Variants in NAV3 observed in about 807,000 individuals in gnomAD.
NAV3 encodes the protein neuron navigator 3.
A neutral mutation model predicts 244.7 loss-of-function variants in NAV3; 87 were observed. The observed-to-expected ratio is 0.36, with a 90% CI of 0.30 to 0.42. NAV3 has a LOEUF of 0.42. Among genes scored for constraint, NAV3 ranks in the 20% least tolerant of loss-of-function variants. The pLI is 1.00. For synonymous variants in NAV3, 1,126 were observed against 1,042.2 expected, an observed-to-expected ratio of 1.08 and a Z score of -1.55; for missense variants, 2,663 against 2,893.3, an observed-to-expected ratio of 0.92 and a Z score of 1.83.
intron 2 of NAV3, among the ~76,000 whole-genome samples, chr12:77,661,145 T>C (rs537045101): frequency 6.6e-6 from 1 of 152,164 alleles, no homozygotes; most frequent in Non-Finnish European, 1.5e-5. Flanking sequence ...TATTTAACTT[T>C]TTGAATAACT....
At chr12:78,164,431 C>G (rs1026470225) in intron 23 of NAV3, among the ~76,000 whole-genome samples, 4 of 151,870 alleles carry the variant, frequency 2.6e-5, no homozygotes, top group African/African-American at 9.7e-5. Context: ...AATTTGAAAC[C>G]AAATCTTTGA....
rs535757399 is a variant in NAV3 at position 77,768,046 on chromosome 12, T to C, written c.73-172273T>C. Among the ~76,000 whole-genome samples, 6 of 152,222 alleles carry C rather than the reference T, an allele frequency of 3.9e-5. No individual in the cohort carries two copies. In the East Asian group the frequency reaches 5.8e-4, roughly 15 times the overall value. On this transcript the variant is annotated intron_variant, in intron 2 of 8. Transcript: ENST00000550042. The stretch of plus-strand genomic sequence containing the variant: ...TGGGTAGCTCCTTTTGACAGGCAGG[T>C]TGTTCCAACAAGTGTGCAGCCCTCA...
chr12:77,951,162 T>C (rs539280540), intron 3 of NAV3, among the ~76,000 whole-genome samples: 1 of 152,236 alleles, frequency 6.6e-6, no homozygotes, highest in Admixed American at 6.5e-5. Flanking sequence ...AGTTTTGCAA[T>C]CTACTCATCT....
intron 1 of NAV3, among the ~76,000 whole-genome samples, chr12:77,870,206 A>G (rs1363927751): frequency 6.6e-6 from 1 of 151,958 alleles, no homozygotes; most frequent in East Asian, 1.9e-4. Context: ...CTCAACTAAA[A>G]ATACAAAAAT....
intron 10 of NAV3, 105 bp downstream of exon 10, chr12:78,050,206 T>TA (rs1313350965): frequency 1.0e-5 from 8 of 786,490 alleles, no homozygotes; most frequent in Non-Finnish European, 1.7e-5. Context: ...AGTTTCCCCT[T>TA]ACTATTTTCT....
intron 2 of NAV3, among the ~76,000 whole-genome samples, chr12:77,652,910 G>T (rs1727844): frequency 0.23 from 35,663 of 152,038 alleles, 6,269 homozygotes; most frequent in African/African-American, 0.5. Context: ...CTGTTTTTCT[G>T]TTATAAAAGA....
intron 9 of NAV3, among the ~76,000 whole-genome samples, chr12:78,029,028 T>C (rs1210695830): frequency 1.3e-5 from 2 of 152,084 alleles, no homozygotes; most frequent in Non-Finnish European, 2.9e-5. Context: ...TTGTCAAGCC[T>C]TGGAATGCAG....
At chr12:77,951,201 A>G (rs1199471026) in intron 3 of NAV3, among the ~76,000 whole-genome samples, 3 of 152,214 alleles carry the variant, frequency 2.0e-5, no homozygotes, top group South Asian at 4.1e-4. Flanking sequence ...AGAATCTACA[A>G]AGAACTCAAA....
intron 12 of NAV3, among the ~76,000 whole-genome samples, chr12:78,113,305 G>A (rs1477528568): frequency 6.6e-6 from 1 of 152,250 alleles, no homozygotes; most frequent in Admixed American, 6.5e-5. Flanking sequence ...CAGTACCCCA[G>A]TGGGGACTCT....
intron 38 of NAV3, among the ~76,000 whole-genome samples, chr12:78,202,911 G>T (rs930077874): frequency 3.3e-5 from 5 of 152,108 alleles, no homozygotes; most frequent in African/African-American, 9.7e-5. Flanking sequence ...AAGAATCTTG[G>T]ATTGGAGAAA....
At chr12:78,108,552 T>C (rs576451315) in intron 12 of NAV3, among the ~76,000 whole-genome samples, 1 of 152,228 alleles carries the variant, frequency 6.6e-6, no homozygotes, top group Admixed American at 6.5e-5. Context: ...CCACCATATG[T>C]TAGGCCACAA....
chr12:77,853,844 G>A (rs1437407279), intron 1 of NAV3, among the ~76,000 whole-genome samples: 1 of 152,148 alleles, frequency 6.6e-6, no homozygotes, highest in Non-Finnish European at 1.5e-5. Context: ...CTCTCTGTTA[G>A]TTCCACTTAT....
chr12:77,943,059 T>C (rs1890025728), intron 3 of NAV3, among the ~76,000 whole-genome samples: 1 of 152,188 alleles, frequency 6.6e-6, no homozygotes, highest in African/African-American at 2.4e-5. Context: ...CAGGCAAGCT[T>C]ATACTCAGTG....
chr12:77,806,495 C>T (rs1370104584), intron 2 of NAV3, among the ~76,000 whole-genome samples: 4 of 152,130 alleles, frequency 2.6e-5, no homozygotes, highest in African/African-American at 9.7e-5. Flanking sequence ...TTTCTTAATC[C>T]TGAGTTCTAA....
chr12:78,161,077 A>T (rs1957525616), intron 23 of NAV3, among the ~76,000 whole-genome samples: 1 of 152,098 alleles, frequency 6.6e-6, no homozygotes, highest in Non-Finnish European at 1.5e-5. Context: ...AAGAATAAAA[A>T]CACTGGGCCC....
chr12:77,912,848 G>A (rs1181610001), intron 1 of NAV3, among the ~76,000 whole-genome samples: 8 of 152,046 alleles, frequency 5.3e-5, no homozygotes, highest in African/African-American at 1.9e-4. Context: ...CTGACCTCAC[G>A]TGATCCACCT....
chr12:78,021,642 C>A lies in NAV3; in HGVS notation c.1908-105C>A. 4.1e-6 allele frequency: 3 copies of A among 735,858 alleles called. 1 individual carries two copies. The highest frequency in any genetic ancestry group is 3.4e-5 in the South Asian group (2 of 58,490). The allele number at this position is 735,858 out of a possible 1,614,324, so 45.6% of individuals were successfully genotyped here. A position where few individuals can be genotyped will look rare whatever the true frequency, so the allele number is the denominator to read the frequency against. ...CATTCCAGTCATAAAGAAATACTTA[C>A]CTTGATGGAAAATTTGTAATTAATA... On this transcript the variant is annotated intron_variant, in intron 8 of 39. Coordinates refer to ENST00000397909, the MANE Select transcript of NAV3 (RefSeq NM_001024383.2).
chr12:77,660,450 A>T (rs577745648), intron 2 of NAV3, among the ~76,000 whole-genome samples: 1 of 152,298 alleles, frequency 6.6e-6, no homozygotes, highest in East Asian at 1.9e-4. Context: ...CTTCCAATGG[A>T]TTAGACATAC....
chr12:77,879,262 TATAA>T (rs1237068689), intron 1 of NAV3, among the ~76,000 whole-genome samples: 1 of 152,176 alleles, frequency 6.6e-6, no homozygotes. Context: ...TTAGTAGATA[TATAA>T]ATAAACTCTT....
Sources: gnomAD v4.1 joint callset for allele counts (sites outside exome capture counted in the v4.1 genomes callset) on GRCh38, gnomAD v4.1.1 for gene constraint, MANE v1.5 for transcripts, NCBI Gene and HGNC (gene_info 2026-07-23, HGNC 2026-07-21) for gene names.